TMPRSS9: variants seen among roughly 807,000 people sequenced by gnomAD.
The protein encoded by TMPRSS9 is transmembrane protease serine 9.
In TMPRSS9, 113 loss-of-function variants were observed where a neutral mutation model predicts 111.4. That is an observed-to-expected ratio of 1.01 (90% CI 0.87 to 1.19). The LOEUF (loss-of-function observed/expected upper bound fraction) is 1.19, where lower values mean the gene tolerates loss of function less well. Among genes scored for constraint, TMPRSS9 ranks in the 50% most tolerant of loss-of-function variants. The probability of loss-of-function intolerance (pLI) is 0.00; values close to 1 mark genes in which losing one functional copy is unlikely to be tolerated. For synonymous variants in TMPRSS9, 805 were observed against 659.1 expected, an observed-to-expected ratio of 1.22 and a Z score of -3.39; for missense variants, 1,803 against 1,513.1, an observed-to-expected ratio of 1.19 and a Z score of -3.18.
intron 1 of TMPRSS9, among the ~76,000 whole-genome samples, chr19:2,366,967 G>T (rs779874061): frequency 6.6e-6 from 1 of 152,002 alleles, no homozygotes; most frequent in Non-Finnish European, 1.5e-5. Flanking sequence ...GTTGGTGGGA[G>T]GCCTCAGTTC....
exon 18 of TMPRSS9, chr19:2,425,997 G>T: frequency 6.2e-7 from 1 of 1,607,220 alleles, no homozygotes; most frequent in Non-Finnish European, 8.5e-7. Flanking sequence ...GTCACTAGCT[G>T]GGGCTATGGC....
chr19:2,385,714 G>A (rs542447138), upstream of TMPRSS9, among the ~76,000 whole-genome samples: 3 of 152,202 alleles, frequency 2.0e-5, no homozygotes, highest in African/African-American at 4.8e-5. Context: ...TTAACCGGGT[G>A]TGGTGGCATG....
chr19:2,365,455 C>T (rs1970240490), intron 1 of TMPRSS9, among the ~76,000 whole-genome samples: 1 of 151,818 alleles, frequency 6.6e-6, no homozygotes, highest in African/African-American at 2.4e-5. Flanking sequence ...GGCCTGAGGA[C>T]AGGGGACAGG....
At position 2,368,774 on chromosome 19, in the gene TMPRSS9, G is replaced by GTTTTT. The variant is rs762761358; in HGVS notation, c.-26+8437_-26+8441dup. ...TGCCAGGGCATCAAGGATAAACCCA[G>GTTTTT]TTTTTTTTTTTTTTTTTTTTTTTTT... On this transcript the variant is annotated intron_variant, in intron 1 of 17. Transcript: ENST00000649857. Among the ~76,000 whole-genome samples, 123 of 70,380 alleles carry GTTTTT rather than the reference G, an allele frequency of 1.7e-3. 7 individuals are homozygous for GTTTTT. Among genetic ancestry groups the GTTTTT allele is most frequent in the African/African-American group, 4.7e-3 (78 of 16,554 alleles). The allele number at this position is 70,380 out of a possible 152,430, so 46.2% of individuals were successfully genotyped here.
chr19:2,379,053 C>A (rs1490307182), intron 1 of TMPRSS9, among the ~76,000 whole-genome samples: 1 of 152,050 alleles, frequency 6.6e-6, no homozygotes, highest in African/African-American at 2.4e-5. Flanking sequence ...GGTGGGGACA[C>A]AGCCAAACCA....
chr19:2,397,857 T>C (rs1970742453), intron 2 of TMPRSS9, among the ~76,000 whole-genome samples: 1 of 124,862 alleles, frequency 8.0e-6, no homozygotes, highest in Non-Finnish European at 1.6e-5. Context: ...GAGGCAGAAG[T>C]TGCAGTGAGC....
At chr19:2,393,834 G>A (rs1970650374) in intron 1 of TMPRSS9, among the ~76,000 whole-genome samples, 1 of 146,842 alleles carries the variant, frequency 6.8e-6, no homozygotes. Context: ...GGAAGTGGAG[G>A]TTGCAGTGAG....
chr19:2,389,100 C>T (rs1970532467), upstream of TMPRSS9, among the ~76,000 whole-genome samples: 1 of 144,956 alleles, frequency 6.9e-6, no homozygotes, highest in Non-Finnish European at 1.5e-5. Context: ...TTTGAGATGG[C>T]GTCTTGCTCT....
chr19:2,384,988 A>AC (rs1970445978), upstream of TMPRSS9, among the ~76,000 whole-genome samples: 1 of 147,010 alleles, frequency 6.8e-6, no homozygotes, highest in Admixed American at 6.7e-5. Context: ...TCTCAAAAAA[A>AC]AAAAAAAAGA....
chr19:2,422,159 C>T, exon 14 of TMPRSS9: 1 of 1,585,840 alleles, frequency 6.3e-7, no homozygotes, highest in Non-Finnish European at 8.6e-7. Flanking sequence ...AACCTGCCAA[C>T]TCAACCTTAT....
intron 1 of TMPRSS9, among the ~76,000 whole-genome samples, chr19:2,377,370 A>G (rs1267522954): frequency 2.7e-5 from 4 of 145,858 alleles, no homozygotes; most frequent in African/African-American, 1.0e-4. Context: ...CATGGGCTCA[A>G]GCAGTCCTTC....
intron 1 of TMPRSS9, among the ~76,000 whole-genome samples, chr19:2,370,316 G>A (rs1970278309): frequency 6.6e-6 from 1 of 151,780 alleles, no homozygotes; most frequent in South Asian, 2.1e-4. Flanking sequence ...AGATACTCAG[G>A]AGGCTGAGGC....
At chr19:2,413,074 A>AT (rs1971130709) in intron 9 of TMPRSS9, among the ~76,000 whole-genome samples, 1 of 152,092 alleles carries the variant, frequency 6.6e-6, no homozygotes, top group Non-Finnish European at 1.5e-5. Context: ...GCGTGCCTAT[A>AT]ATCACAGCTA....
At chr19:2,393,315 C>T (rs1458517552) in intron 1 of TMPRSS9, among the ~76,000 whole-genome samples, 1 of 152,064 alleles carries the variant, frequency 6.6e-6, no homozygotes, top group African/African-American at 2.4e-5. Flanking sequence ...AACCACAAAC[C>T]CACCAGGAGG....
intron 1 of TMPRSS9, among the ~76,000 whole-genome samples, chr19:2,373,324 G>A (rs62120682): frequency 0.18 from 27,153 of 152,082 alleles, 3,631 homozygotes; most frequent in African/African-American, 0.37. Flanking sequence ...TCTGCCTCCC[G>A]GGTTCAAGTG....
chr19:2,362,630 ATGAC>A (rs1970209775), intron 1 of TMPRSS9, among the ~76,000 whole-genome samples: 1 of 152,044 alleles, frequency 6.6e-6, no homozygotes, highest in Non-Finnish European at 1.5e-5. Flanking sequence ...TCGTGTCTGT[ATGAC>A]TGTGTATGGT....
At chr19:2,418,196 A>G (rs1311180485) in intron 13 of TMPRSS9, 58 bp downstream of exon 14, 5 of 1,511,532 alleles carry the variant, frequency 3.3e-6, no homozygotes, top group Non-Finnish European at 4.5e-6. Flanking sequence ...ACAGCCGTTC[A>G]CCCAGCAGTT....
At chr19:2,394,274 C>A (rs964383517) in intron 1 of TMPRSS9, among the ~76,000 whole-genome samples, 1 of 151,584 alleles carries the variant, frequency 6.6e-6, no homozygotes. Context: ...TGTGGTCTAG[C>A]TACTTGGGAG....
rs1971013388 is a variant in TMPRSS9 at position 2,408,264 on chromosome 19, C to T, written c.843-92C>T. On this transcript the variant is annotated intron_variant, in intron 7 of 17. Transcript: ENST00000648592. ...ATAAATATTAATGTGGGGGGATACC[C>T]CTTACATTTTGCACCCAAGGCGAGT... 4.0e-6 allele frequency: 5 copies of T among 1,253,804 alleles called. No individual in the cohort carries two copies. In the Admixed American group the frequency reaches 7.9e-5, roughly 20 times the overall value. 77.7% of individuals were successfully genotyped at this position (1,253,804 alleles called of 1,614,324 possible).
Sources: gnomAD v4.1 joint callset for allele counts (sites outside exome capture counted in the v4.1 genomes callset) on GRCh38, gnomAD v4.1.1 for gene constraint, MANE v1.5 for transcripts, NCBI Gene and HGNC (gene_info 2026-07-23, HGNC 2026-07-21) for gene names.